ZDHHC14: variants seen among roughly 807,000 people sequenced by gnomAD.
The protein encoded by ZDHHC14 is palmitoyltransferase ZDHHC14.
Under a neutral mutation model 47.7 loss-of-function variants are expected in ZDHHC14, and 16 were observed. That is an observed-to-expected ratio of 0.34 (90% CI 0.23 to 0.51). The LOEUF is 0.51. Among genes scored for constraint, ZDHHC14 ranks in the 20% least tolerant of loss-of-function variants. ZDHHC14 has a pLI of 0.97. For missense variants in ZDHHC14, 515 were observed against 662.5 expected, an observed-to-expected ratio of 0.78 and a Z score of 2.44; for synonymous variants, 293 against 278.9, an observed-to-expected ratio of 1.05 and a Z score of -0.50.
At chr6:157,665,554 T>C (rs1428812432) in intron 8 of ZDHHC14, among the ~76,000 whole-genome samples, 1 of 152,210 alleles carries the variant, frequency 6.6e-6, no homozygotes, top group African/African-American at 2.4e-5. Context: ...AGAAAGGTAT[T>C]TCTTGAATGA....
chr6:157,592,433 CAA>C (rs1186832234), intron 2 of ZDHHC14, among the ~76,000 whole-genome samples: 1 of 152,132 alleles, frequency 6.6e-6, no homozygotes, highest in Non-Finnish European at 1.5e-5. Flanking sequence ...AGCCAATGGG[CAA>C]AGTGAAGGGA....
At chr6:157,572,154 A>T (rs974935757) in intron 2 of ZDHHC14, among the ~76,000 whole-genome samples, 1 of 152,018 alleles carries the variant, frequency 6.6e-6, no homozygotes, top group African/African-American at 2.4e-5. Flanking sequence ...AGCACTCTTG[A>T]TATCTGGGGC....
chr6:157,655,598 A>G lies in ZDHHC14; in HGVS notation c.1068+1971A>G, dbSNP rs111628418. Among the ~76,000 whole-genome samples, 578 of 152,352 alleles carry G rather than the reference A, an allele frequency of 3.8e-3. 4 individuals are homozygous for G. The highest frequency in any genetic ancestry group is 0.015 in the South Asian group (74 of 4,826). ...TGATGTGTGCATGTGTCTACACACA[A>G]TAACCTCTCATTCAATCAGCCACTC... On this transcript the variant is annotated intron_variant, in intron 8 of 8. Transcript: ENST00000359775.
chr6:157,445,144 A>ACACTCT (rs376300431), intron 1 of ZDHHC14, among the ~76,000 whole-genome samples: 4 of 146,954 alleles, frequency 2.7e-5, no homozygotes, highest in South Asian at 2.1e-4. Flanking sequence ...ACACACACAC[A>ACACTCT]CTCTTCATAT....
Position 157,429,277 on chromosome 6 carries a change from GA to G in ZDHHC14, c.245+47013del, listed in dbSNP as rs531472947. Reference sequence around the variant, plus strand: ...AGGTTGCTGGTCAGAATGGAGAATAGAATAGAAACAGAGTAGAATGGAAAAT... The same window carrying G: ...AGGTTGCTGGTCAGAATGGAGAATAGATAGAAACAGAGTAGAATGGAAAAT... On this transcript the variant is annotated intron_variant, in intron 1 of 8. Coordinates refer to ENST00000359775, the MANE Select transcript of ZDHHC14 (RefSeq NM_024630.3). Among the ~76,000 whole-genome samples the G allele has an allele frequency of 1.8e-4, 28 of 152,290 alleles. No individual in the cohort carries two copies. The East Asian group carries it at 4.8e-3, about 26-fold the overall frequency.
chr6:157,558,961 G>A (rs572569153), intron 2 of ZDHHC14, among the ~76,000 whole-genome samples: 3 of 152,162 alleles, frequency 2.0e-5, no homozygotes, highest in Non-Finnish European at 4.4e-5. Flanking sequence ...TAATACAAAT[G>A]AAAGTGAGCC....
At chr6:157,651,111 T>C (rs988771863) in intron 7 of ZDHHC14, among the ~76,000 whole-genome samples, 4 of 152,252 alleles carry the variant, frequency 2.6e-5, no homozygotes, top group Non-Finnish European at 5.9e-5. Flanking sequence ...CCTAGGGCAC[T>C]GCAGTCCAAC....
chr6:157,613,227 G>A (rs909525419), intron 3 of ZDHHC14, among the ~76,000 whole-genome samples: 29 of 152,166 alleles, frequency 1.9e-4, no homozygotes, highest in Non-Finnish European at 1.5e-4. Context: ...AACTTTTTGT[G>A]TTTTACAGCA....
intron 8 of ZDHHC14, among the ~76,000 whole-genome samples, chr6:157,669,334 G>T (rs369091276): frequency 2.6e-5 from 4 of 151,552 alleles, no homozygotes; most frequent in African/African-American, 4.8e-5. Context: ...GAGGGGTGGT[G>T]GGGGGGGAAG....
At position 157,381,392 on chromosome 6, in the gene ZDHHC14, C is replaced by A. The variant is rs1484644396; in HGVS notation, c.-630C>A. The A allele has an allele frequency of 9.6e-5, 18 of 186,850 alleles. No individual in the cohort carries two copies. The highest frequency in any genetic ancestry group is 8.6e-4 in the South Asian group (14 of 16,372). 11.6% of individuals were successfully genotyped at this position (186,850 alleles called of 1,614,324 possible). Reference sequence around the variant, plus strand: ...CGACACCGGGTCGCGGTGCGAGCGGCGCCCCGGCTCTCGCCGAGAGGCTCC... The same window carrying A: ...CGACACCGGGTCGCGGTGCGAGCGGAGCCCCGGCTCTCGCCGAGAGGCTCC... On this transcript the variant is annotated 5_prime_UTR_variant, in exon 1 of 9. Coordinates refer to ENST00000359775, the MANE Select transcript of ZDHHC14 (RefSeq NM_024630.3).
chr6:157,446,297 C>T (rs1009249302), intron 1 of ZDHHC14, among the ~76,000 whole-genome samples: 4 of 152,220 alleles, frequency 2.6e-5, no homozygotes, highest in African/African-American at 9.6e-5. Flanking sequence ...GCCTTCTCCA[C>T]ATAGCCACAT....
intron 7 of ZDHHC14, among the ~76,000 whole-genome samples, chr6:157,652,082 C>G (rs1777866368): frequency 6.6e-6 from 1 of 152,222 alleles, no homozygotes; most frequent in African/African-American, 2.4e-5. Context: ...CCTTTGACAT[C>G]CTGCAGAGGA....
At chr6:157,480,143 G>A (rs1481318525) in intron 1 of ZDHHC14, among the ~76,000 whole-genome samples, 2 of 152,094 alleles carry the variant, frequency 1.3e-5, no homozygotes, top group African/African-American at 4.8e-5. Flanking sequence ...CACTGGGAGA[G>A]GTCCCTGGGG....
At chr6:157,573,970 A>G (rs537974538) in intron 2 of ZDHHC14, among the ~76,000 whole-genome samples, 18 of 150,168 alleles carry the variant, frequency 1.2e-4, no homozygotes, top group Non-Finnish European at 2.1e-4. Flanking sequence ...TCGGGGGGGA[A>G]GTTCTTTGCT....
chr6:157,534,218 C>T (rs142939139), intron 1 of ZDHHC14, among the ~76,000 whole-genome samples: 368 of 152,268 alleles, frequency 2.4e-3, no homozygotes, highest in African/African-American at 8.3e-3. Context: ...TGCAGGTCTT[C>T]CCAGCACACA....
At chr6:157,625,808 A>G (rs566495920) in intron 3 of ZDHHC14, among the ~76,000 whole-genome samples, 108 of 152,230 alleles carry the variant, frequency 7.1e-4, no homozygotes, top group African/African-American at 2.5e-3. Context: ...TCCTGCCACT[A>G]AAATCCCAGA....
intron 2 of ZDHHC14, 37 bp from the exon 3 acceptor site, chr6:157,592,951 C>T (rs867888270): frequency 6.3e-7 from 1 of 1,585,320 alleles, no homozygotes; most frequent in East Asian, 2.3e-5. Context: ...GAGGGAGGCT[C>T]TGAAGGTGTG....
chr6:157,611,480 A>G (rs1388062978), intron 3 of ZDHHC14, among the ~76,000 whole-genome samples: 1 of 152,184 alleles, frequency 6.6e-6, no homozygotes, highest in Admixed American at 6.5e-5. Context: ...TCCCTGGCCA[A>G]TAGGAAAGCT....
In ZDHHC14 at chr6:157,615,472, T is replaced by C. The variant is rs138490954; in HGVS notation, c.566-12877T>C. The stretch of plus-strand genomic sequence containing the variant: ...TGCTGGGCTGGCCAGCACTTCCTCA[T>C]TGTGTGAAATGTGTAGACACAATTG... On this transcript the variant is annotated intron_variant, in intron 3 of 8. Coordinates refer to ENST00000359775, the MANE Select transcript of ZDHHC14 (RefSeq NM_024630.3). 3.3e-3 allele frequency among the ~76,000 whole-genome samples: 507 copies of C among 152,322 alleles called. 1 individual carries two copies. The highest frequency in any genetic ancestry group is 0.012 in the African/African-American group (491 of 41,554).
Sources: allele counts gnomAD v4.1 joint callset (sites outside exome capture counted in the v4.1 genomes callset), GRCh38; gene constraint gnomAD v4.1.1; transcripts MANE v1.5; gene names NCBI Gene and HGNC (gene_info 2026-07-23, HGNC 2026-07-21).